OSBPL1A: variants seen among roughly 807,000 people sequenced by gnomAD.
OSBPL1A encodes the protein oxysterol-binding protein-related protein 1.
OSBPL1A carries 80 observed loss-of-function variants against 137.1 expected under a neutral mutation model. The ratio of observed to expected loss-of-function variants is 0.58; its 90% CI spans 0.49 to 0.70. The LOEUF is 0.70. Ranked by LOEUF, OSBPL1A falls within the 30% of genes least tolerant of loss-of-function variation. The pLI, the probability that OSBPL1A is intolerant of heterozygous loss-of-function variation, is 0.00. For synonymous variants in OSBPL1A, 365 were observed against 389.7 expected, an observed-to-expected ratio of 0.94 and a Z score of 0.75; for missense variants, 970 against 1,129.4, an observed-to-expected ratio of 0.86 and a Z score of 2.02.
chr18:24,381,660 A>G (rs1479205742), intron 1 of OSBPL1A, among the ~76,000 whole-genome samples: 1 of 152,150 alleles, frequency 6.6e-6, no homozygotes, highest in Non-Finnish European at 1.5e-5. Context: ...CATTATTTAT[A>G]AAGAAAAAAA....
At chr18:24,179,548 T>C (rs890736017) in intron 20 of OSBPL1A, among the ~76,000 whole-genome samples, 190 bp downstream of exon 20, 1 of 152,204 alleles carries the variant, frequency 6.6e-6, no homozygotes, top group Non-Finnish European at 1.5e-5. Context: ...AATTATTTCT[T>C]ATAATGGTAC....
chr18:24,317,163 G>A lies in OSBPL1A; in HGVS notation c.856C>T (p.Gln286Ter). 1.2e-6 allele frequency: 2 copies of A among 1,613,816 alleles called. No homozygotes were observed. Among genetic ancestry groups the A allele is most frequent in the Non-Finnish European group, 1.7e-6 (2 of 1,179,904 alleles). ...TTTCATCCTACCGTGCATACTGCTT[G>A]AGTCAGGTGTTTGCATCCCTGGCGA... ...IYRQGCKHLT[Q>*]AVCTVKSTDS... Residue 286 changes from glutamine (Q) to a stop codon, truncating the protein, a stop_gained, in exon 11 of 28, where the codon CAA becomes TAA. Transcript: ENST00000319481. LOFTEE classifies it high-confidence loss of function.
At chr18:24,206,136 G>A (rs1206798880) in intron 17 of OSBPL1A, among the ~76,000 whole-genome samples, 5 of 152,116 alleles carry the variant, frequency 3.3e-5, no homozygotes, top group Admixed American at 2.0e-4. Context: ...GATTGTCCTC[G>A]CACCTTGGCC....
At chr18:24,378,426 C>T (rs919056993) in intron 1 of OSBPL1A, among the ~76,000 whole-genome samples, 4 of 152,150 alleles carry the variant, frequency 2.6e-5, no homozygotes, top group African/African-American at 9.7e-5. Context: ...TCATATATAC[C>T]ATTTACTTTG....
intron 17 of OSBPL1A, among the ~76,000 whole-genome samples, chr18:24,221,122 G>A (rs1287792841): frequency 6.6e-6 from 1 of 152,100 alleles, no homozygotes; most frequent in Non-Finnish European, 1.5e-5. Flanking sequence ...TTATTCTAGT[G>A]ATTAAATGTA....
chr18:24,175,131 T>TAC (rs1567920325), intron 21 of OSBPL1A, among the ~76,000 whole-genome samples: 2 of 124,528 alleles, frequency 1.6e-5, no homozygotes, highest in African/African-American at 6.7e-5. Flanking sequence ...TATATATATA[T>TAC]ATATACACAT....
At chr18:24,250,913 C>T (rs558717449) in intron 15 of OSBPL1A, among the ~76,000 whole-genome samples, 1 of 152,156 alleles carries the variant, frequency 6.6e-6, no homozygotes, top group Non-Finnish European at 1.5e-5. Flanking sequence ...GTAGCATTCA[C>T]CATAAGCTGA....
chr18:24,249,821 G>A (rs1370020940), intron 15 of OSBPL1A, among the ~76,000 whole-genome samples: 1 of 152,164 alleles, frequency 6.6e-6, no homozygotes, highest in African/African-American at 2.4e-5. Flanking sequence ...AAATTTGAAA[G>A]GTGGTCTAGG....
chr18:24,358,611 C>G (rs574598713), intron 4 of OSBPL1A: 38 of 680,152 alleles, frequency 5.6e-5, no homozygotes, highest in African/African-American at 5.1e-4. Context: ...CACAGTAGGC[C>G]TTCAATACAT....
chr18:24,243,012 C>T (rs1048855990), intron 15 of OSBPL1A, among the ~76,000 whole-genome samples: 2 of 152,044 alleles, frequency 1.3e-5, no homozygotes, highest in East Asian at 3.9e-4. Flanking sequence ...ATGAGGCGGG[C>T]AGATCACTTG....
At chr18:24,264,147 A>C (rs1294593625) in intron 15 of OSBPL1A, among the ~76,000 whole-genome samples, 1 of 152,224 alleles carries the variant, frequency 6.6e-6, no homozygotes, top group African/African-American at 2.4e-5. Context: ...CCAGTGATGA[A>C]GCCTACACAG....
intron 14 of OSBPL1A, among the ~76,000 whole-genome samples, chr18:24,282,230 CA>C (rs1162170601): frequency 6.6e-6 from 1 of 151,318 alleles, no homozygotes; most frequent in Admixed American, 6.6e-5. Context: ...TTAAGAAAAA[CA>C]GCTGACAAGA....
chr18:24,376,143 G>C (rs757234883), intron 2 of OSBPL1A, among the ~76,000 whole-genome samples: 1 of 152,204 alleles, frequency 6.6e-6, no homozygotes, highest in Non-Finnish European at 1.5e-5. Context: ...TGCTGGCTCC[G>C]GCAGCCTGCT....
At chr18:24,239,921 TTC>T (rs1184202009) in intron 15 of OSBPL1A, among the ~76,000 whole-genome samples, 4 of 98,768 alleles carry the variant, frequency 4.0e-5, no homozygotes, top group South Asian at 4.0e-4. Flanking sequence ...TTTTTCATTT[TTC>T]TCTTTTTTTT....
chr18:24,299,513 A>G (rs2090357267), intron 14 of OSBPL1A, among the ~76,000 whole-genome samples: 2 of 151,960 alleles, frequency 1.3e-5, no homozygotes, highest in Admixed American at 1.3e-4. Flanking sequence ...TCTGGATACA[A>G]AAAAAAAGTT....
intron 15 of OSBPL1A, among the ~76,000 whole-genome samples, chr18:24,269,162 C>G (rs1219380597): frequency 1.3e-5 from 2 of 152,166 alleles, no homozygotes; most frequent in African/African-American, 4.8e-5. Context: ...TGCACCTGGT[C>G]GTCCTGTTTG....
At chr18:24,189,103 A>T (rs1355484336) in intron 18 of OSBPL1A, among the ~76,000 whole-genome samples, 1 of 152,224 alleles carries the variant, frequency 6.6e-6, no homozygotes, top group East Asian at 1.9e-4. Flanking sequence ...AAATTTATCC[A>T]TGCAAATTAA....
chr18:24,229,128 G>A (rs534609824), intron 16 of OSBPL1A, among the ~76,000 whole-genome samples: 2 of 152,306 alleles, frequency 1.3e-5, no homozygotes, highest in Admixed American at 6.5e-5. Flanking sequence ...CTTGAACCCA[G>A]GAGGTGGAGG....
At chr18:24,353,048 A>C (rs956136457) in intron 4 of OSBPL1A, among the ~76,000 whole-genome samples, 5 of 152,174 alleles carry the variant, frequency 3.3e-5, no homozygotes, top group African/African-American at 9.6e-5. Flanking sequence ...AATGGCAACA[A>C]AAGCCAAAAT....
Sources: allele counts gnomAD v4.1 joint callset (sites outside exome capture counted in the v4.1 genomes callset), GRCh38; gene constraint gnomAD v4.1.1; transcripts MANE v1.5; gene names NCBI Gene and HGNC (gene_info 2026-07-23, HGNC 2026-07-21).